The following TMEM132B variants were observed in gnomAD, a reference collection of about 807,000 sequenced individuals.
The protein encoded by TMEM132B is transmembrane protein 132B.
Under a neutral mutation model 90.8 loss-of-function variants are expected in TMEM132B, and 18 were observed. The observed-to-expected ratio is 0.20, with a 90% CI of 0.14 to 0.29. The LOEUF (loss-of-function observed/expected upper bound fraction) is 0.29. Ranked by LOEUF, TMEM132B falls within the 10% of genes least tolerant of loss-of-function variation. The pLI is 1.00. For synonymous variants in TMEM132B, 504 were observed against 523.3 expected (o/e 0.96, Z 0.50); for missense variants, 1,096 against 1,326.8 (o/e 0.83, Z 2.70).
At chr12:125,323,401 C>T (rs1260289321) in intron 1 of TMEM132B, among the ~76,000 whole-genome samples, 2 of 152,002 alleles carry the variant, frequency 1.3e-5, no homozygotes, top group Middle Eastern at 3.4e-3. Context: ...GCATCATTGC[C>T]CTCCAACCTG....
intron 1 of TMEM132B, among the ~76,000 whole-genome samples, chr12:125,211,535 A>G (rs1873317926): frequency 6.6e-6 from 1 of 152,192 alleles, no homozygotes; most frequent in African/African-American, 2.4e-5. Flanking sequence ...TCCAGGGCAT[A>G]GAATGTTGGA....
rs1881383538 is a variant in TMEM132B, at chr12:125,459,605, T to C, written c.1106+43928T>C. ...AGAATGAATAAGACCTACTATTTGATAGCACAACAGGGTGACTGTAGTCAA... is the reference window on the plus strand; with the variant it reads ...AGAATGAATAAGACCTACTATTTGACAGCACAACAGGGTGACTGTAGTCAA... On this transcript the variant is annotated intron_variant, in intron 3 of 8. Transcript: ENST00000682704. This position sits in a 1 kb window ranked among gnomAD's most constrained non-coding sequence, Gnocchi z 4.1. 6.6e-6 allele frequency among the ~76,000 whole-genome samples: 1 copy of C among 152,354 alleles called. No homozygotes were observed. Among genetic ancestry groups the C allele is most frequent in the Middle Eastern group, 3.4e-3 (1 of 294 alleles).
chr12:125,649,631 G>A (rs1376142188), intron 6 of TMEM132B, among the ~76,000 whole-genome samples: 3 of 152,178 alleles, frequency 2.0e-5, no homozygotes, highest in Non-Finnish European at 4.4e-5. Context: ...ATGTAAGCAC[G>A]TGGAAGAAGA....
intron 4 of TMEM132B, among the ~76,000 whole-genome samples, chr12:125,529,091 C>T (rs557234048): frequency 6.6e-6 from 1 of 151,034 alleles, no homozygotes; most frequent in South Asian, 2.1e-4. Context: ...CCTTCCTCTT[C>T]CTTCTTCTTT....
intron 1 of TMEM132B, among the ~76,000 whole-genome samples, chr12:125,192,023 T>C (rs555765262): frequency 6.3e-4 from 96 of 152,278 alleles, no homozygotes; most frequent in African/African-American, 2.1e-3. Flanking sequence ...GAAGGGCTGA[T>C]TGGGGACACG....
intron 2 of TMEM132B, among the ~76,000 whole-genome samples, chr12:125,403,222 C>T (rs1215603302): frequency 1.3e-5 from 2 of 152,206 alleles, no homozygotes; most frequent in Non-Finnish European, 2.9e-5. Context: ...ATTATCTAGA[C>T]ATGTGAGCCC....
chr12:125,641,963 C>A (rs529323191), intron 5 of TMEM132B, among the ~76,000 whole-genome samples: 1 of 152,180 alleles, frequency 6.6e-6, no homozygotes, highest in African/African-American at 2.4e-5. Context: ...CCAATGTATC[C>A]ACTGCAGGTT....
In TMEM132B at chr12:125,498,358, G is replaced by C. The variant is rs1348283008; in HGVS notation, c.1107-21081G>C. 2.6e-5 allele frequency among the ~76,000 whole-genome samples: 4 copies of C among 152,236 alleles called. No homozygotes were observed. The highest frequency in any genetic ancestry group is 5.9e-5 in the Non-Finnish European group (4 of 68,044). ...ATAAATCACTGTGTGTATGTGGATGGTGGGTGAGGGTGTGGAGAAAATCAC... is the reference window on the plus strand; with the variant it reads ...ATAAATCACTGTGTGTATGTGGATGCTGGGTGAGGGTGTGGAGAAAATCAC... On this transcript the variant is annotated intron_variant, in intron 3 of 8. Coordinates refer to ENST00000682704, the MANE Select transcript of TMEM132B (RefSeq NM_001366854.1). This position sits in a 1 kb window ranked among gnomAD's most constrained non-coding sequence, Gnocchi z 4.5.
intron 2 of TMEM132B, among the ~76,000 whole-genome samples, chr12:125,367,730 T>C (rs1242690506): frequency 6.6e-6 from 1 of 152,226 alleles, no homozygotes; most frequent in Non-Finnish European, 1.5e-5. Flanking sequence ...CCTGTTTTTG[T>C]TTACTCTCTA....
chr12:125,548,050 C>G (rs1486127292), intron 4 of TMEM132B, among the ~76,000 whole-genome samples: 1 of 152,210 alleles, frequency 6.6e-6, no homozygotes, highest in East Asian at 1.9e-4. Context: ...TCAGCCCATC[C>G]TCTGAGCCCA....
intron 4 of TMEM132B, 71 bp downstream of exon 4, chr12:125,519,696 C>A: frequency 6.8e-7 from 1 of 1,479,150 alleles, no homozygotes; most frequent in Non-Finnish European, 9.3e-7. Flanking sequence ...ACTGTATAAT[C>A]TGTTATTTTC....
At chr12:125,528,558 C>T (rs150043077) in intron 4 of TMEM132B, among the ~76,000 whole-genome samples, 180 of 152,220 alleles carry the variant, frequency 1.2e-3, no homozygotes, top group African/African-American at 4.0e-3. Context: ...TGGTGAATGG[C>T]GATGAATTAG....
rs576985483 is a variant in TMEM132B, at chr12:125,385,788, A to G, written c.960-29743A>G. 5.9e-5 allele frequency among the ~76,000 whole-genome samples: 9 copies of G among 152,310 alleles called. No homozygotes were observed. In the East Asian group the frequency reaches 1.7e-3, roughly 29 times the overall value. ...ATCAGTGTTACATAATATTTCTCAT[A>G]TGGGATATTCATTAATTTATTAGTT... On this transcript the variant is annotated intron_variant, in intron 2 of 8. Coordinates refer to ENST00000682704, the MANE Select transcript of TMEM132B (RefSeq NM_001366854.1).
At chr12:125,615,298 A>G (rs578125206) in intron 5 of TMEM132B, among the ~76,000 whole-genome samples, 1 of 151,894 alleles carries the variant, frequency 6.6e-6, no homozygotes, top group African/African-American at 2.4e-5. Context: ...AATTCTCATC[A>G]TTCCTTTATA....
intron 2 of TMEM132B, among the ~76,000 whole-genome samples, chr12:125,411,461 T>G (rs557257543): frequency 2.0e-5 from 3 of 151,938 alleles, no homozygotes; most frequent in African/African-American, 4.8e-5. Context: ...TGGGTATACC[T>G]ATGTAACAAA....
chr12:125,426,621 T>A (rs1323806524), intron 3 of TMEM132B, among the ~76,000 whole-genome samples: 6 of 152,230 alleles, frequency 3.9e-5, no homozygotes, highest in African/African-American at 1.4e-4. Flanking sequence ...ATACAGCTCA[T>A]TCCTGGAATG....
intron 1 of TMEM132B, among the ~76,000 whole-genome samples, chr12:125,310,698 G>C (rs1000414989): frequency 2.0e-5 from 3 of 152,150 alleles, no homozygotes; most frequent in African/African-American, 7.2e-5. Flanking sequence ...GGCAACCGTA[G>C]CCAGCCACGC....
chr12:125,418,278 CA>C (rs1880075782), intron 3 of TMEM132B, among the ~76,000 whole-genome samples: 3 of 151,886 alleles, frequency 2.0e-5, no homozygotes, highest in Non-Finnish European at 2.9e-5. Context: ...AAAAAGGTTA[CA>C]GGGGAAAAAA....
chr12:125,445,998 G>A lies in TMEM132B; in HGVS notation c.1106+30321G>A, dbSNP rs1043800339. Reference sequence around the variant, plus strand: ...CTGCTATCCTGGGGGCTGCAACCTCGCTTTCTCCAACAAAGTCTGAATCCC... The same window carrying A: ...CTGCTATCCTGGGGGCTGCAACCTCACTTTCTCCAACAAAGTCTGAATCCC... On this transcript the variant is annotated intron_variant, in intron 3 of 8. Transcript: ENST00000682704. This position sits in a 1 kb window ranked among gnomAD's most constrained non-coding sequence, Gnocchi z 4.3. 7.9e-5 allele frequency among the ~76,000 whole-genome samples: 12 copies of A among 152,126 alleles called. No homozygotes were observed. The highest frequency in any genetic ancestry group is 2.6e-4 in the Admixed American group (4 of 15,276).
Sources: gnomAD v4.1 joint callset for allele counts (sites outside exome capture counted in the v4.1 genomes callset) on GRCh38, gnomAD v4.1.1 for gene constraint, Gnocchi (gnomAD v3.1) non-coding constraint, MANE v1.5 for transcripts, NCBI Gene and HGNC (gene_info 2026-07-23, HGNC 2026-07-21) for gene names.